Variants in CFAP58 observed in about 807,000 individuals in gnomAD.
CFAP58 encodes the protein cilia- and flagella-associated protein 58.
CFAP58 carries 88 observed loss-of-function variants against 119.5 expected under a neutral mutation model. The observed-to-expected ratio is 0.74, with a 90% CI of 0.62 to 0.88. CFAP58 has a LOEUF of 0.88. Ranked by LOEUF, CFAP58 falls within the 40% of genes least tolerant of loss-of-function variation. The pLI is 0.00. For synonymous variants in CFAP58, 365 were observed against 366.3 expected (o/e 1.00, Z 0.04); for missense variants, 990 against 1,021.2 (o/e 0.97, Z 0.42).
intron 14 of CFAP58, among the ~76,000 whole-genome samples, chr10:104,405,890 T>C (rs971513689): frequency 1.3e-5 from 2 of 152,192 alleles, no homozygotes; most frequent in Non-Finnish European, 2.9e-5. Context: ...GTGGGAGGAT[T>C]GCCTGAGCCC....
intron 16 of CFAP58, among the ~76,000 whole-genome samples, chr10:104,449,239 TGAA>T (rs2013157295): frequency 6.6e-6 from 1 of 151,602 alleles, no homozygotes; most frequent in Admixed American, 6.6e-5. Context: ...TTCACAGCAG[TGAA>T]GAAGAAAGAG....
chr10:104,453,430 C>T (rs1589941944), intron 17 of CFAP58, among the ~76,000 whole-genome samples: 1 of 152,168 alleles, frequency 6.6e-6, no homozygotes, highest in Non-Finnish European at 1.5e-5. Flanking sequence ...AATAGCAACT[C>T]TTATCATTTT....
upstream of CFAP58, chr10:104,351,852 A>G (rs887143455): frequency 3.9e-5 from 6 of 152,178 alleles, no homozygotes; most frequent in African/African-American, 1.4e-4. Context: ...GTTAAGGACT[A>G]TTGTTCCCTT....
chr10:104,389,969 G>A (rs979027712), intron 9 of CFAP58, among the ~76,000 whole-genome samples: 3 of 152,100 alleles, frequency 2.0e-5, no homozygotes, highest in Admixed American at 6.5e-5. Flanking sequence ...GAACAAGGAG[G>A]GTTTATCCTG....
At chr10:104,371,665 G>C (rs901517722) in intron 7 of CFAP58, among the ~76,000 whole-genome samples, 1 of 152,168 alleles carries the variant, frequency 6.6e-6, no homozygotes, top group Non-Finnish European at 1.5e-5. Flanking sequence ...GTGGTTGGGG[G>C]TGAAATAAGT....
intron 9 of CFAP58, among the ~76,000 whole-genome samples, chr10:104,386,206 C>T (rs181608529): frequency 0.019 from 2,806 of 151,122 alleles, 54 homozygotes; most frequent in South Asian, 0.052. Context: ...GGTGAAACAC[C>T]ATTTCTACTA....
At chr10:104,433,036 T>C (rs1215385157) in intron 15 of CFAP58, among the ~76,000 whole-genome samples, 1 of 152,188 alleles carries the variant, frequency 6.6e-6, no homozygotes, top group Non-Finnish European at 1.5e-5. Context: ...CCTAAACCAA[T>C]GAAGAATATG....
chr10:104,403,227 T>G (rs1379732358), intron 13 of CFAP58, among the ~76,000 whole-genome samples: 3 of 152,114 alleles, frequency 2.0e-5, no homozygotes, highest in East Asian at 1.9e-4. Flanking sequence ...GATCTGATGG[T>G]TTTTATAACT....
intron 13 of CFAP58, among the ~76,000 whole-genome samples, chr10:104,401,213 T>C (rs2012259364): frequency 6.6e-6 from 1 of 152,132 alleles, no homozygotes; most frequent in African/African-American, 2.4e-5. Flanking sequence ...AATTCAGAAA[T>C]TTTTTCCCCC....
intron 11 of CFAP58, among the ~76,000 whole-genome samples, chr10:104,399,029 C>T (rs771210274): frequency 8.5e-5 from 13 of 152,132 alleles, no homozygotes; most frequent in Non-Finnish European, 1.2e-4. Context: ...TGTGAATTCT[C>T]CTGGTGTTTA....
chr10:104,350,380 C>G (rs962257078), upstream of CFAP58, among the ~76,000 whole-genome samples: 1 of 152,182 alleles, frequency 6.6e-6, no homozygotes, highest in Non-Finnish European at 1.5e-5. Context: ...CTTGTTATTA[C>G]AACAACACAG....
intron 11 of CFAP58, among the ~76,000 whole-genome samples, chr10:104,396,826 C>G (rs932450847): frequency 2.0e-5 from 3 of 152,200 alleles, no homozygotes; most frequent in African/African-American, 7.2e-5. Context: ...GCCATCCTTC[C>G]TGGGTGAGAT....
rs141835905 is a variant in CFAP58 at position 104,358,490 on chromosome 10, T to G, written c.159T>G (p.Ser53=). The change falls in exon 2 of 18, where the codon TCT becomes TCG. Residue 53 remains serine (S), a synonymous_variant. Transcript: ENST00000369704. The part of the protein sequence containing the change: ...YERLHAVMKK[S]YDNEKRLMAK... ...GGCTTCATGCTGTCATGAAAAAGTC[T>G]TATGACAATGAAAAGCGTCTGATGG... The G allele has an allele frequency of 2.3e-5, 37 of 1,614,118 alleles. No individual in the cohort carries two copies. The Middle Eastern group carries it at 6.6e-4, about 29-fold the overall frequency.
intron 16 of CFAP58, 59 bp from the exon 17 acceptor site, chr10:104,450,012 A>G: frequency 1.3e-6 from 2 of 1,530,430 alleles, no homozygotes; most frequent in Non-Finnish European, 1.8e-6. Flanking sequence ...GCAGATTAAA[A>G]GATTTCTCAG....
intron 8 of CFAP58, among the ~76,000 whole-genome samples, chr10:104,377,918 A>G (rs2011704118): frequency 6.6e-6 from 1 of 152,230 alleles, no homozygotes; most frequent in Admixed American, 6.5e-5. Context: ...ACATTTGTAC[A>G]TATAAACAAT....
At chr10:104,357,930 T>TAC (rs764603850) in intron 1 of CFAP58, among the ~76,000 whole-genome samples, 6 of 119,538 alleles carry the variant, frequency 5.0e-5, no homozygotes, top group African/African-American at 9.3e-5. Context: ...TGTACACATA[T>TAC]ACACACATAT....
At chr10:104,415,391 T>C (rs2012535148) in intron 15 of CFAP58, among the ~76,000 whole-genome samples, 1 of 152,106 alleles carries the variant, frequency 6.6e-6, no homozygotes, top group Non-Finnish European at 1.5e-5. Context: ...CGGGTAAAAT[T>C]GTCCATCAGA....
chr10:104,374,954 G>A (rs543179548), intron 7 of CFAP58, among the ~76,000 whole-genome samples: 3 of 151,336 alleles, frequency 2.0e-5, no homozygotes, highest in Non-Finnish European at 2.9e-5. Flanking sequence ...TTAAAAATTC[G>A]GATGCTGATG....
rs11192044 is a variant in CFAP58, at chr10:104,411,795, G to A, written c.2256+5002G>A. 4.1e-3 allele frequency among the ~76,000 whole-genome samples: 628 copies of A among 151,950 alleles called. 4 individuals are homozygous for A. Among genetic ancestry groups the A allele is most frequent in the African/African-American group, 0.015 (614 of 41,430 alleles). On this transcript the variant is annotated intron_variant, in intron 15 of 17. Coordinates refer to ENST00000369704, the MANE Select transcript of CFAP58 (RefSeq NM_001008723.2). Reference sequence around the variant, plus strand: ...TTTCCCCCACCCAGAGCCCAGGAGAGATAGTTAGGTTTCCTTGTGGTCTTC... The same window carrying A: ...TTTCCCCCACCCAGAGCCCAGGAGAAATAGTTAGGTTTCCTTGTGGTCTTC...
Sources: allele counts gnomAD v4.1 joint callset (sites outside exome capture counted in the v4.1 genomes callset), GRCh38; gene constraint gnomAD v4.1.1; transcripts MANE v1.5; gene names NCBI Gene and HGNC (gene_info 2026-07-23, HGNC 2026-07-21).